The following AK5 variants were observed in gnomAD, a reference collection of about 807,000 sequenced individuals.
AK5 encodes adenylate kinase isoenzyme 5.
Under a neutral mutation model 69.5 loss-of-function variants are expected in AK5, and 27 were observed. The ratio of observed to expected loss-of-function variants is 0.39; its 90% CI spans 0.29 to 0.54. AK5 has a LOEUF of 0.54. Among genes scored for constraint, AK5 ranks in the 20% least tolerant of loss-of-function variants. The pLI is 0.71. For missense variants in AK5, 531 were observed against 700.4 expected, an observed-to-expected ratio of 0.76 and a Z score of 2.73; for synonymous variants, 260 against 244.4, an observed-to-expected ratio of 1.06 and a Z score of -0.60.
At chr1:77,361,137 C>A (rs1646855183) in intron 6 of AK5, among the ~76,000 whole-genome samples, 2 of 152,192 alleles carry the variant, frequency 1.3e-5, no homozygotes, top group Non-Finnish European at 1.5e-5. Context: ...CCTTTCAGAT[C>A]CTATATTTTA....
rs147624752 is a variant in AK5 at position 77,316,790 on chromosome 1, A to G, written c.699+18843A>G. The stretch of plus-strand genomic sequence containing the variant: ...GTTAGTAGAAGATGATTATTCATTT[A>G]TTTTTATTGCAATTTGCTGTGATGC... On this transcript the variant is annotated intron_variant, in intron 5 of 13. Transcript: ENST00000354567. 1.9e-3 allele frequency among the ~76,000 whole-genome samples: 287 copies of G among 152,296 alleles called. 6 individuals are homozygous for G. In the East Asian group the frequency reaches 0.041, roughly 22 times the overall value.
At chr1:77,308,965 T>A (rs1242658473) in intron 5 of AK5, among the ~76,000 whole-genome samples, 1 of 150,010 alleles carries the variant, frequency 6.7e-6, no homozygotes, top group Non-Finnish European at 1.5e-5. Context: ...TGAGACACTG[T>A]CTTAAAAAAA....
At chr1:77,378,414 C>A (rs1440339251) in intron 6 of AK5, among the ~76,000 whole-genome samples, 6 of 152,094 alleles carry the variant, frequency 3.9e-5, no homozygotes, top group Non-Finnish European at 8.8e-5. Flanking sequence ...CTCCGCCTCT[C>A]GGGTTCAAGT....
intron 12 of AK5, among the ~76,000 whole-genome samples, chr1:77,531,333 A>G (rs1160708078): frequency 1.3e-5 from 2 of 152,208 alleles, no homozygotes; most frequent in Admixed American, 6.5e-5. Flanking sequence ...TTGCCACTGC[A>G]GGCTAGGATC....
intron 11 of AK5, among the ~76,000 whole-genome samples, chr1:77,519,160 C>T (rs1657838789): frequency 6.6e-6 from 1 of 151,998 alleles, no homozygotes; most frequent in Non-Finnish European, 1.5e-5. Flanking sequence ...TTAAGAATAT[C>T]CCCTTTTCTA....
intron 13 of AK5, among the ~76,000 whole-genome samples, chr1:77,558,332 C>A (rs1430898962): frequency 6.6e-6 from 1 of 152,152 alleles, no homozygotes; most frequent in Non-Finnish European, 1.5e-5. Flanking sequence ...AGTGAGAGTT[C>A]CTATTGCTCC....
Position 77,535,932 on chromosome 1 carries a change from T to C in AK5, c.1514T>C (p.Leu505Pro). 1 of 1,613,990 alleles carries C rather than the reference T, an allele frequency of 6.2e-7. No homozygotes were observed. Among genetic ancestry groups the C allele is most frequent in the Non-Finnish European group, 8.5e-7 (1 of 1,179,978 alleles). The change falls in exon 13 of 14, where the codon CTG becomes CCG. Residue 505 changes from leucine (L) to proline (P), a missense_variant. By Grantham distance (98) the Leu-to-Pro change is moderately conservative. Coordinates refer to ENST00000354567, the MANE Select transcript of AK5 (RefSeq NM_174858.3). ...CTTCTCCAAAGGAGCCGGAGCAGCC[T>C]GCCTGTGGACGACACCACCAAGACC... ...NRLLQRSRSS[L>P]PVDDTTKTIA...
chr1:77,415,362 C>T (rs1466139486), intron 7 of AK5, among the ~76,000 whole-genome samples: 6 of 152,112 alleles, frequency 3.9e-5, no homozygotes, highest in Admixed American at 3.3e-4. Context: ...CTAAAAGCAG[C>T]TATATGTTTA....
intron 12 of AK5, among the ~76,000 whole-genome samples, chr1:77,522,943 G>C (rs1413974291): frequency 1.3e-5 from 2 of 152,038 alleles, no homozygotes; most frequent in Non-Finnish European, 2.9e-5. Flanking sequence ...TCATGTTAAA[G>C]GTGATGAGTG....
At chr1:77,301,056 A>G (rs538829900) in intron 5 of AK5, among the ~76,000 whole-genome samples, 2 of 152,326 alleles carry the variant, frequency 1.3e-5, no homozygotes, top group East Asian at 1.9e-4. Flanking sequence ...TATCAGCCAT[A>G]TATGGGTGAT....
chr1:77,546,571 G>A (rs1296254974), intron 13 of AK5, among the ~76,000 whole-genome samples: 2 of 152,132 alleles, frequency 1.3e-5, no homozygotes, highest in Non-Finnish European at 2.9e-5. Context: ...TTAGATGGGT[G>A]TGGTGGTGTG....
At chr1:77,397,885 G>A (rs1014914970) in intron 6 of AK5, among the ~76,000 whole-genome samples, 4 of 152,114 alleles carry the variant, frequency 2.6e-5, no homozygotes, top group Non-Finnish European at 5.9e-5. Context: ...CTAGGCAACG[G>A]AACAAGACGG....
intron 10 of AK5, among the ~76,000 whole-genome samples, chr1:77,507,466 A>G (rs545871534): frequency 2.0e-5 from 3 of 152,390 alleles, no homozygotes; most frequent in East Asian, 1.9e-4. Context: ...ATATCAAGCC[A>G]AAAGTATTGT....
At chr1:77,332,198 G>A (rs1169694438) in intron 5 of AK5, among the ~76,000 whole-genome samples, 4 of 151,944 alleles carry the variant, frequency 2.6e-5, no homozygotes, top group African/African-American at 9.7e-5. Flanking sequence ...AGAATATTTA[G>A]AGATTCATTT....
intron 6 of AK5, among the ~76,000 whole-genome samples, chr1:77,405,647 A>G (rs1649569083): frequency 6.6e-6 from 1 of 152,136 alleles, no homozygotes. Flanking sequence ...CTGGCTTCCC[A>G]GTGGCTGCTC....
intron 6 of AK5, chr1:77,340,790 A>G: frequency 2.4e-6 from 1 of 408,342 alleles, no homozygotes; most frequent in Non-Finnish European, 4.3e-6. Context: ...TTTATGAAAG[A>G]AGATAAATTT....
intron 6 of AK5, among the ~76,000 whole-genome samples, chr1:77,363,508 A>G (rs568239758): frequency 9.2e-5 from 14 of 152,314 alleles, no homozygotes; most frequent in African/African-American, 2.9e-4. Context: ...GAACCCTTCA[A>G]TGACATTCAC....
At chr1:77,431,758 C>T (rs1457860476) in intron 8 of AK5, among the ~76,000 whole-genome samples, 1 of 151,908 alleles carries the variant, frequency 6.6e-6, no homozygotes, top group Non-Finnish European at 1.5e-5. Flanking sequence ...ATGGGCATTG[C>T]AATAGGAATA....
chr1:77,518,372 T>C (rs574058200), intron 10 of AK5, among the ~76,000 whole-genome samples, 192 bp from the exon 11 acceptor site: 9 of 152,216 alleles, frequency 5.9e-5, no homozygotes, highest in African/African-American at 1.9e-4. Flanking sequence ...TCTAAGCTCT[T>C]TAAAGGCAAG....
Sources: gnomAD v4.1 joint callset for allele counts (sites outside exome capture counted in the v4.1 genomes callset) on GRCh38, gnomAD v4.1.1 for gene constraint, MANE v1.5 for transcripts, NCBI Gene and HGNC (gene_info 2026-07-23, HGNC 2026-07-21) for gene names.